Variants in EFNA5 observed in about 807,000 individuals in gnomAD.
EFNA5 encodes the protein ephrin-A5.
EFNA5 carries 5 observed loss-of-function variants against 22.9 expected under a neutral mutation model. The observed-to-expected ratio is 0.22, with a 90% CI of 0.11 to 0.46. The LOEUF (loss-of-function observed/expected upper bound fraction) is 0.46, where lower values mean the gene tolerates loss of function less well. EFNA5 is among the 20% of genes least tolerant of loss of function. The pLI is 0.99. For missense variants in EFNA5, 237 were observed against 293.3 expected, an observed-to-expected ratio of 0.81 and a Z score of 1.40; for synonymous variants, 113 against 112.2, an observed-to-expected ratio of 1.01 and a Z score of -0.04.
intron 1 of EFNA5, among the ~76,000 whole-genome samples, chr5:107,569,473 A>ATATATATTTATATATG (rs1748734232): frequency 7.6e-6 from 1 of 130,740 alleles, no homozygotes; most frequent in African/African-American, 3.4e-5. Flanking sequence ...ATTTATATAT[A>ATATATATTTATATATG]TGTGTATATA....
At chr5:107,554,385 G>C (rs1468061361) in intron 1 of EFNA5, among the ~76,000 whole-genome samples, 1 of 152,134 alleles carries the variant, frequency 6.6e-6, no homozygotes, top group African/African-American at 2.4e-5. Context: ...TGATATTTCA[G>C]TTGACTTTTA....
At chr5:107,434,625 T>C (rs1174265660) in intron 1 of EFNA5, among the ~76,000 whole-genome samples, 1 of 152,208 alleles carries the variant, frequency 6.6e-6, no homozygotes, top group Non-Finnish European at 1.5e-5. Context: ...CAGGGAAATA[T>C]GTATGGAGGT....
intron 1 of EFNA5, among the ~76,000 whole-genome samples, chr5:107,563,185 C>T (rs1291475217): frequency 6.6e-6 from 1 of 152,148 alleles, no homozygotes; most frequent in Admixed American, 6.5e-5. Flanking sequence ...AGGACCAAAC[C>T]TTTAAAGAGA....
chr5:107,489,668 C>T (rs573218802), intron 1 of EFNA5, among the ~76,000 whole-genome samples: 1 of 150,888 alleles, frequency 6.6e-6, no homozygotes, highest in Admixed American at 6.6e-5. Flanking sequence ...CTACCCCCCC[C>T]ACCAAGATCT....
At chr5:107,490,658 G>T (rs1746779139) in intron 1 of EFNA5, among the ~76,000 whole-genome samples, 1 of 152,130 alleles carries the variant, frequency 6.6e-6, no homozygotes, top group Non-Finnish European at 1.5e-5. Flanking sequence ...CCTTTGGCAG[G>T]GAACATTAAC....
chr5:107,569,541 A>G (rs1467298956), intron 1 of EFNA5, among the ~76,000 whole-genome samples: 13 of 125,644 alleles, frequency 1.0e-4, no homozygotes, highest in Non-Finnish European at 1.7e-4. Flanking sequence ...TTATATATAT[A>G]TGTGTGTATA....
intron 1 of EFNA5, among the ~76,000 whole-genome samples, chr5:107,494,090 T>C (rs1746893548): frequency 6.6e-6 from 1 of 152,240 alleles, no homozygotes; most frequent in Non-Finnish European, 1.5e-5. Context: ...GTGCTGGCAG[T>C]CCTCACAGCC....
intron 1 of EFNA5, among the ~76,000 whole-genome samples, chr5:107,490,288 A>G (rs1746768872): frequency 6.6e-6 from 1 of 151,972 alleles, no homozygotes; most frequent in African/African-American, 2.4e-5. Flanking sequence ...TAGTGACCTG[A>G]TCTTCCTATG....
intron 1 of EFNA5, among the ~76,000 whole-genome samples, chr5:107,552,047 T>A (rs1002218826): frequency 7.2e-5 from 11 of 152,284 alleles, no homozygotes; most frequent in South Asian, 2.1e-4. Context: ...TCAAGTTTTT[T>A]TTTTCAATAT....
At chr5:107,408,005 T>C (rs1206505198) in intron 2 of EFNA5, among the ~76,000 whole-genome samples, 1 of 152,168 alleles carries the variant, frequency 6.6e-6, no homozygotes, top group East Asian at 1.9e-4. Flanking sequence ...GGGTGAAAAG[T>C]GGGAGCTGTC....
intron 1 of EFNA5, among the ~76,000 whole-genome samples, chr5:107,495,110 G>A (rs939105305): frequency 5.0e-4 from 76 of 152,242 alleles, no homozygotes; most frequent in Admixed American, 1.2e-3. Context: ...GTGGCAACCC[G>A]CTCAGGTCCC....
At chr5:107,518,534 C>T (rs1266709028) in intron 1 of EFNA5, among the ~76,000 whole-genome samples, 2 of 151,648 alleles carry the variant, frequency 1.3e-5, no homozygotes, top group African/African-American at 2.4e-5. Context: ...TTGCAAATGA[C>T]GTTCCCAGTC....
intron 1 of EFNA5, among the ~76,000 whole-genome samples, chr5:107,437,707 AGCT>A (rs150279965): frequency 0.1 from 15,824 of 152,230 alleles, 879 homozygotes; most frequent in African/African-American, 0.14. Flanking sequence ...AGAGGAATGT[AGCT>A]GAAGGGTATG....
At chr5:107,429,719 G>A (rs1483868656) in intron 1 of EFNA5, among the ~76,000 whole-genome samples, 1 of 152,114 alleles carries the variant, frequency 6.6e-6, no homozygotes. Flanking sequence ...CTTAGATAAG[G>A]AAATGTATGG....
At chr5:107,631,757 G>A (rs1159783985) in intron 1 of EFNA5, among the ~76,000 whole-genome samples, 1 of 152,112 alleles carries the variant, frequency 6.6e-6, no homozygotes, top group African/African-American at 2.4e-5. Context: ...AAAGAAAATG[G>A]GAGGGGGGAA....
intron 1 of EFNA5, among the ~76,000 whole-genome samples, chr5:107,430,823 C>CT (rs59728330): frequency 0.033 from 4,575 of 139,192 alleles, 241 homozygotes; most frequent in African/African-American, 0.12. Context: ...TGTTACCAGG[C>CT]TGGAGTGCAG....
chr5:107,542,849 A>G (rs73777893), intron 1 of EFNA5, among the ~76,000 whole-genome samples: 3,502 of 152,340 alleles, frequency 0.023, 140 homozygotes, highest in African/African-American at 0.079. Flanking sequence ...CCTAAAAGGA[A>G]GTAAACAGGC....
At chr5:107,640,187 G>T (rs900267821) in intron 1 of EFNA5, among the ~76,000 whole-genome samples, 1 of 152,154 alleles carries the variant, frequency 6.6e-6, no homozygotes, top group African/African-American at 2.4e-5. Flanking sequence ...AACTTTGGGG[G>T]AAGGTGGTTT....
intron 2 of EFNA5, among the ~76,000 whole-genome samples, chr5:107,426,079 A>G (rs373995797): frequency 1.0e-3 from 159 of 152,298 alleles, no homozygotes; most frequent in African/African-American, 3.8e-3. Context: ...GTCGACTTAT[A>G]CTTTAATTGC....
Sources: allele counts gnomAD v4.1 joint callset (sites outside exome capture counted in the v4.1 genomes callset), GRCh38; gene constraint gnomAD v4.1.1; transcripts MANE v1.5; gene names NCBI Gene and HGNC (gene_info 2026-07-23, HGNC 2026-07-21).